EFCAB11: variants seen among roughly 807,000 people sequenced by gnomAD.
EFCAB11 encodes EF-hand calcium-binding domain-containing protein 11.
In EFCAB11, 14 loss-of-function variants were observed where a neutral mutation model predicts 23.0. The ratio of observed to expected loss-of-function variants is 0.61; its 90% CI spans 0.40 to 0.95. EFCAB11 has a LOEUF of 0.95. Among genes scored for constraint, EFCAB11 ranks in the 40% least tolerant of loss-of-function variants. The pLI is 0.00. For missense variants in EFCAB11, 198 were observed against 195.8 expected, an observed-to-expected ratio of 1.01 and a Z score of -0.07; for synonymous variants, 65 against 66.6, an observed-to-expected ratio of 0.98 and a Z score of 0.11.
intron 5 of EFCAB11, among the ~76,000 whole-genome samples, chr14:89,873,621 T>C (rs974652707): frequency 6.6e-6 from 1 of 152,190 alleles, no homozygotes; most frequent in South Asian, 2.1e-4. Flanking sequence ...GGTACGGGCA[T>C]TGGATAAACA....
intron 5 of EFCAB11, among the ~76,000 whole-genome samples, chr14:89,843,379 T>A (rs1438193311): frequency 6.6e-6 from 1 of 152,156 alleles, no homozygotes; most frequent in Admixed American, 6.5e-5. Flanking sequence ...AAGAAGAATA[T>A]CATGATTTTA....
chr14:89,947,479 TTCA>T (rs933363056), intron 3 of EFCAB11, among the ~76,000 whole-genome samples: 3 of 152,214 alleles, frequency 2.0e-5, no homozygotes, highest in Non-Finnish European at 2.9e-5. Flanking sequence ...ATTGTCACAC[TTCA>T]TCATCACTTT....
At chr14:89,812,003 C>A (rs989762271) in intron 5 of EFCAB11, among the ~76,000 whole-genome samples, 5 of 152,102 alleles carry the variant, frequency 3.3e-5, no homozygotes, top group African/African-American at 1.2e-4. Flanking sequence ...CTTTATTTTA[C>A]CTTTCGTGAC....
chr14:89,928,763 T>A (rs1255416588), intron 5 of EFCAB11, among the ~76,000 whole-genome samples: 1 of 147,564 alleles, frequency 6.8e-6, no homozygotes, highest in African/African-American at 2.5e-5. Context: ...TATATAATTA[T>A]ATATTGCATA....
chr14:89,946,618 G>A (rs1036322044), intron 3 of EFCAB11, among the ~76,000 whole-genome samples: 5 of 152,062 alleles, frequency 3.3e-5, no homozygotes, highest in Non-Finnish European at 7.4e-5. Flanking sequence ...TGTCGCCCAG[G>A]CTGGGGTGCT....
At chr14:89,860,201 T>C (rs1887878927) in intron 5 of EFCAB11, among the ~76,000 whole-genome samples, 1 of 152,062 alleles carries the variant, frequency 6.6e-6, no homozygotes, top group Non-Finnish European at 1.5e-5. Flanking sequence ...CTGTCTCTAC[T>C]AAAAACACAA....
intron 5 of EFCAB11, among the ~76,000 whole-genome samples, chr14:89,807,077 C>G (rs1885994044): frequency 6.6e-6 from 1 of 152,018 alleles, no homozygotes; most frequent in South Asian, 2.1e-4. Flanking sequence ...GCTGAGATAC[C>G]CAGTATCATC....
At chr14:89,888,747 T>C (rs1198339129) in intron 5 of EFCAB11, among the ~76,000 whole-genome samples, 2 of 152,196 alleles carry the variant, frequency 1.3e-5, no homozygotes, top group African/African-American at 4.8e-5. Context: ...CTCCCCAGAC[T>C]CCAGATTTGC....
At chr14:89,869,378 A>G (rs2140160588) in intron 5 of EFCAB11, among the ~76,000 whole-genome samples, 1 of 152,270 alleles carries the variant, frequency 6.6e-6, no homozygotes, top group East Asian at 1.9e-4. Flanking sequence ...AATCTCAGCA[A>G]TCTCTAATGT....
chr14:89,928,212 T>C (rs1428822165), intron 5 of EFCAB11, among the ~76,000 whole-genome samples: 1 of 152,190 alleles, frequency 6.6e-6, no homozygotes, highest in Non-Finnish European at 1.5e-5. Context: ...AACATGAATA[T>C]ACTTATTTAT....
chr14:89,829,467 G>C (rs184883505), intron 5 of EFCAB11, among the ~76,000 whole-genome samples: 14 of 152,278 alleles, frequency 9.2e-5, no homozygotes, highest in Admixed American at 7.8e-4. Context: ...GGCTGTGTTT[G>C]AGAAAGTTTG....
chr14:89,797,273 A>G lies in EFCAB11; in HGVS notation c.462T>C (p.Tyr154=). ...DGHVSFRDFE[Y]ALNYGQKEA is the part of the protein sequence containing the mutation. ...CTTCCTTCTGTCCATAGTTCAGGGC[A>G]TATTCAAAGTCTCTAAAGCTGACGT... The change falls in exon 6 of 6, where the codon TAT becomes TAC. Residue 154 remains tyrosine, a synonymous_variant. Transcript: ENST00000316738. 1 of 1,613,556 alleles carries G rather than the reference A, an allele frequency of 6.2e-7. No homozygotes were observed. The highest frequency in any genetic ancestry group is 8.5e-7 in the Non-Finnish European group (1 of 1,179,830).
chr14:89,950,795 T>A (rs1891140545), intron 2 of EFCAB11, among the ~76,000 whole-genome samples: 1 of 152,166 alleles, frequency 6.6e-6, no homozygotes, highest in Non-Finnish European at 1.5e-5. Flanking sequence ...TCTGACATAA[T>A]TTCTCCACTT....
intron 5 of EFCAB11, among the ~76,000 whole-genome samples, chr14:89,855,570 A>T (rs1887728017): frequency 6.7e-6 from 1 of 148,912 alleles, no homozygotes; most frequent in South Asian, 2.1e-4. Context: ...ACTATAGCAA[A>T]GCAAATTAAC....
intron 5 of EFCAB11, among the ~76,000 whole-genome samples, chr14:89,891,274 CATAA>C (rs1888955109): frequency 6.6e-6 from 1 of 152,178 alleles, no homozygotes; most frequent in Non-Finnish European, 1.5e-5. Flanking sequence ...CAGAAGCAGA[CATAA>C]ATAGACTTCA....
At chr14:89,904,404 T>G (rs779052915) in intron 5 of EFCAB11, among the ~76,000 whole-genome samples, 15 of 152,228 alleles carry the variant, frequency 9.9e-5, no homozygotes, top group Non-Finnish European at 1.9e-4. Flanking sequence ...GTTCCAAGTC[T>G]TTACTATTGT....
intron 3 of EFCAB11, among the ~76,000 whole-genome samples, chr14:89,949,130 T>C (rs1891074015): frequency 6.6e-6 from 1 of 152,100 alleles, no homozygotes; most frequent in Non-Finnish European, 1.5e-5. Context: ...ACTAAGAGTG[T>C]AACTGGACTG....
At chr14:89,869,390 T>C (rs143698559) in intron 5 of EFCAB11, among the ~76,000 whole-genome samples, 286 of 152,262 alleles carry the variant, frequency 1.9e-3, no homozygotes, top group Non-Finnish European at 3.2e-3. Context: ...CTCTAATGTA[T>C]TGGGGGCTCC....
chr14:89,856,902 T>C (rs1367020703), intron 5 of EFCAB11, among the ~76,000 whole-genome samples: 1 of 152,238 alleles, frequency 6.6e-6, no homozygotes, highest in Non-Finnish European at 1.5e-5. Flanking sequence ...ATCAACAGAC[T>C]GTTTCCTTTT....
Sources: gnomAD v4.1 joint callset for allele counts (sites outside exome capture counted in the v4.1 genomes callset) on GRCh38, gnomAD v4.1.1 for gene constraint, MANE v1.5 for transcripts, NCBI Gene and HGNC (gene_info 2026-07-23, HGNC 2026-07-21) for gene names.